The following ATAD2B variants were observed in gnomAD, a reference collection of about 807,000 sequenced individuals.
ATAD2B encodes the protein ATPase family AAA domain-containing protein 2B.
Under a neutral mutation model 167.6 loss-of-function variants are expected in ATAD2B, and 40 were observed. The ratio of observed to expected loss-of-function variants is 0.24; its 90% CI spans 0.19 to 0.31. ATAD2B has a LOEUF of 0.31. ATAD2B is among the 10% of genes least tolerant of loss of function. ATAD2B has a pLI of 1.00. For missense variants in ATAD2B, 1,242 were observed against 1,757.2 expected, an observed-to-expected ratio of 0.71 and a Z score of 5.24; for synonymous variants, 579 against 596.5, an observed-to-expected ratio of 0.97 and a Z score of 0.43.
rs370755091 is a variant in ATAD2B at position 23,775,144 on chromosome 2, C to G, written c.3133+7725G>C. Among the ~76,000 whole-genome samples, 4 of 151,592 alleles carry G rather than the reference C, an allele frequency of 2.6e-5. No individual in the cohort carries two copies. The South Asian group carries it at 6.2e-4, about 24-fold the overall frequency. ...GGGGTACTTACAACTGGAAGGAAAT[C>G]AGAAAAATCTTTCATGAACTTAGCA... On this transcript the variant is annotated intron_variant, in intron 22 of 27. Coordinates refer to ENST00000238789, the MANE Select transcript of ATAD2B (RefSeq NM_017552.4).
chr2:23,679,927 G>A, the ATAD2B span, among the ~76,000 whole-genome samples: 9 of 152,312 alleles, frequency 5.9e-5, no homozygotes, highest in South Asian at 1.7e-3. Flanking sequence ...TTGGAGTGGG[G>A]ACGTGTGTGG....
At chr2:23,885,869 G>T in intron 4 of ATAD2B, 40 bp from the exon 5 acceptor site, 1 of 1,200,558 alleles carries the variant, frequency 8.3e-7, no homozygotes, top group Non-Finnish European at 1.2e-6. Context: ...GACAATGGTG[G>T]CACCATATAC....
intron 1 of ATAD2B, among the ~76,000 whole-genome samples, chr2:23,908,816 G>A (rs1367312990): frequency 6.6e-6 from 1 of 151,790 alleles, no homozygotes; most frequent in African/African-American, 2.4e-5. Context: ...CATAAAAAAT[G>A]ATGAGTTCAT....
chr2:23,887,748 C>T (rs1698908375), intron 4 of ATAD2B, 84 bp downstream of exon 4: 1 of 1,250,392 alleles, frequency 8.0e-7, no homozygotes, highest in Non-Finnish European at 1.1e-6. Flanking sequence ...ATTGCTAAGT[C>T]GTTGCTTATG....
intron 17 of ATAD2B, among the ~76,000 whole-genome samples, chr2:23,813,596 T>A (rs1272839679): frequency 1.4e-5 from 2 of 143,774 alleles, no homozygotes; most frequent in Non-Finnish European, 3.1e-5. Context: ...AAAAAAAAAA[T>A]TTAGCCAGGT....
downstream of ATAD2B, among the ~76,000 whole-genome samples, chr2:23,748,318 C>T (rs1440751698): frequency 6.6e-6 from 1 of 152,054 alleles, no homozygotes; most frequent in Non-Finnish European, 1.5e-5. Context: ...CTGATAACAA[C>T]CCGATAAAAA....
intron 15 of ATAD2B, among the ~76,000 whole-genome samples, chr2:23,827,501 C>T (rs888520457): frequency 6.6e-6 from 1 of 152,124 alleles, no homozygotes; most frequent in African/African-American, 2.4e-5. Context: ...GATTTGACAA[C>T]TTGACTTCTG....
At chr2:23,850,646 T>C (rs555952447) in intron 13 of ATAD2B, among the ~76,000 whole-genome samples, 127 of 151,766 alleles carry the variant, frequency 8.4e-4, no homozygotes, top group South Asian at 2.1e-3. Context: ...GCTGGGGAGA[T>C]AGGGAGGGCT....
At chr2:23,746,093 G>C (rs1410284364), downstream of ATAD2B, among the ~76,000 whole-genome samples, 3 of 152,178 alleles carry the variant, frequency 2.0e-5, no homozygotes, top group Non-Finnish European at 4.4e-5. Context: ...AACCAGAAAG[G>C]CTTCCTTGAG....
chr2:23,686,430 C>G, the ATAD2B span, among the ~76,000 whole-genome samples: 1 of 152,150 alleles, frequency 6.6e-6, no homozygotes, highest in Non-Finnish European at 1.5e-5. Context: ...ACGTCCTCTC[C>G]TGCGCCCTGG....
chr2:23,754,405 G>C, intron 26 of ATAD2B, 98 bp from the exon 27 acceptor site: 1 of 1,275,438 alleles, frequency 7.8e-7, no homozygotes, highest in Non-Finnish European at 1.1e-6. Context: ...CATAAAGCGA[G>C]GATGTAACAG....
In ATAD2B at chr2:23,788,548, G is replaced by C; in HGVS notation, c.2740C>G (p.Gln914Glu). Residue 914 changes from glutamine to glutamate, a missense_variant, in exon 20 of 28, where the codon CAG (glutamine) becomes GAG (glutamate). By Grantham distance (29) the Gln-to-Glu change is conservative. Transcript: ENST00000238789. ...CTTCGTGGTGGAGCCATTGATGCCTGATTGAGAATCAATTCTTGAAAAAAT... is the reference window on the plus strand; with the variant it reads ...CTTCGTGGTGGAGCCATTGATGCCTCATTGAGAATCAATTCTTGAAAAAAT... ...RKFFQELILNQASMAPPRRKH... is the reference protein window; with the variant it reads ...RKFFQELILNEASMAPPRRKH... 1 of 1,613,238 alleles carries C rather than the reference G, an allele frequency of 6.2e-7. No homozygotes were observed. Among genetic ancestry groups the C allele is most frequent in the East Asian group, 2.2e-5 (1 of 44,858 alleles).
At chr2:23,883,194 C>T (rs1381691396) in intron 6 of ATAD2B, among the ~76,000 whole-genome samples, 3 of 149,718 alleles carry the variant, frequency 2.0e-5, no homozygotes, top group African/African-American at 7.4e-5. Context: ...ATGGGAGGAT[C>T]GCTTGAGCCT....
intron 24 of ATAD2B, among the ~76,000 whole-genome samples, chr2:23,761,004 A>G (rs1676674050): frequency 6.6e-6 from 1 of 152,248 alleles, no homozygotes; most frequent in Non-Finnish European, 1.5e-5. Flanking sequence ...AGATTCAAAA[A>G]GTTTTTAAAA....
At chr2:23,908,658 A>C (rs1701822384) in intron 1 of ATAD2B, among the ~76,000 whole-genome samples, 1 of 152,116 alleles carries the variant, frequency 6.6e-6, no homozygotes, top group Non-Finnish European at 1.5e-5. Flanking sequence ...AAGGACTATA[A>C]ATCATGCTGC....
At chr2:23,853,798 C>T (rs1020471363) in intron 13 of ATAD2B, among the ~76,000 whole-genome samples, 48 of 152,250 alleles carry the variant, frequency 3.2e-4, no homozygotes, top group African/African-American at 1.2e-3. Flanking sequence ...TTAATCAAGA[C>T]AGTGGTATAA....
intron 1 of ATAD2B, among the ~76,000 whole-genome samples, chr2:23,917,493 G>A (rs1307562647): frequency 6.6e-6 from 1 of 152,000 alleles, no homozygotes; most frequent in Non-Finnish European, 1.5e-5. Flanking sequence ...AGCAATAAAC[G>A]CAAATGTATA....
intron 6 of ATAD2B, among the ~76,000 whole-genome samples, chr2:23,882,685 C>T (rs1698111319): frequency 6.6e-6 from 1 of 151,750 alleles, no homozygotes; most frequent in Admixed American, 6.6e-5. Context: ...TGGCGGGTGC[C>T]TGTAGTCCCA....
At chr2:23,770,073 G>A (rs1291644518) in intron 22 of ATAD2B, among the ~76,000 whole-genome samples, 1 of 151,680 alleles carries the variant, frequency 6.6e-6, no homozygotes, top group Non-Finnish European at 1.5e-5. Context: ...ACTTTGGAAG[G>A]CCGAGGCGGG....
Sources: gnomAD v4.1 joint callset for allele counts (sites outside exome capture counted in the v4.1 genomes callset) on GRCh38, gnomAD v4.1.1 for gene constraint, MANE v1.5 for transcripts, NCBI Gene and HGNC (gene_info 2026-07-23, HGNC 2026-07-21) for gene names.